The following NCAM2 variants were observed in gnomAD, a reference collection of about 807,000 sequenced individuals.
NCAM2 encodes N-CAM-2.
In NCAM2, 30 loss-of-function variants were observed where a neutral mutation model predicts 98.1. The observed-to-expected ratio is 0.31, with a 90% CI of 0.23 to 0.41. The LOEUF is 0.41. Ranked by LOEUF, NCAM2 falls within the 10% of genes least tolerant of loss-of-function variation. The pLI is 1.00. For missense variants in NCAM2, 867 were observed against 1,005.8 expected, an observed-to-expected ratio of 0.86 and a Z score of 1.87; for synonymous variants, 368 against 342.4, an observed-to-expected ratio of 1.07 and a Z score of -0.83.
At chr21:21,409,882 G>A (rs1268803313) in intron 9 of NCAM2, among the ~76,000 whole-genome samples, 3 of 152,120 alleles carry the variant, frequency 2.0e-5, no homozygotes, top group East Asian at 3.9e-4. Flanking sequence ...AGTCTGAGGC[G>A]GGCGGATCTC....
intron 1 of NCAM2, among the ~76,000 whole-genome samples, chr21:21,107,285 T>C (rs1039008879): frequency 1.3e-5 from 2 of 152,114 alleles, no homozygotes; most frequent in Non-Finnish European, 2.9e-5. Context: ...AAAGATTACA[T>C]GACCTGTCCA....
chr21:21,498,503 T>C (rs950291848), intron 15 of NCAM2, among the ~76,000 whole-genome samples: 15 of 152,210 alleles, frequency 9.9e-5, no homozygotes, highest in Admixed American at 6.5e-4. Flanking sequence ...ACACATGTTG[T>C]ACCCATACAG....
At chr21:21,495,124 C>T (rs1446304993) in intron 15 of NCAM2, among the ~76,000 whole-genome samples, 1 of 150,912 alleles carries the variant, frequency 6.6e-6, no homozygotes, top group Non-Finnish European at 1.5e-5. Context: ...AGCAGGGCGG[C>T]CATGGGGGGC....
chr21:21,000,702 C>T (rs913220323), intron 1 of NCAM2, among the ~76,000 whole-genome samples: 2 of 152,022 alleles, frequency 1.3e-5, no homozygotes, highest in Non-Finnish European at 2.9e-5. Flanking sequence ...CATAGAGACA[C>T]AGATATATAT....
chr21:21,115,922 A>T (rs2066543924), intron 1 of NCAM2, among the ~76,000 whole-genome samples: 1 of 151,836 alleles, frequency 6.6e-6, no homozygotes, highest in South Asian at 2.1e-4. Flanking sequence ...GGGTAGGACT[A>T]GAGTTCAGGG....
intron 1 of NCAM2, among the ~76,000 whole-genome samples, chr21:21,099,679 C>G (rs957525897): frequency 1.3e-5 from 2 of 151,864 alleles, no homozygotes; most frequent in Non-Finnish European, 2.9e-5. Flanking sequence ...GGGGACGCAG[C>G]CAAACCTTAT....
intron 9 of NCAM2, among the ~76,000 whole-genome samples, chr21:21,385,161 A>AAG (rs2076239870): frequency 6.6e-6 from 1 of 152,062 alleles, no homozygotes; most frequent in South Asian, 2.1e-4. Context: ...ATTTTTTGGC[A>AAG]GTTGAAGCCT....
At chr21:21,346,203 G>GA (rs2075182448) in intron 8 of NCAM2, among the ~76,000 whole-genome samples, 3 of 62,358 alleles carry the variant, frequency 4.8e-5, no homozygotes, top group African/African-American at 7.7e-5. Context: ...CATGCCAACT[G>GA]AAACCAAAAA....
At chr21:21,160,191 G>C (rs148379421) in intron 1 of NCAM2, among the ~76,000 whole-genome samples, 8 of 152,064 alleles carry the variant, frequency 5.3e-5, no homozygotes, top group Non-Finnish European at 8.8e-5. Context: ...TATTTTCAGC[G>C]TGTGGACATC....
Position 21,411,031 on chromosome 21 carries a change from T to TATACAC in NCAM2, c.1383+571_1383+572insTACACA, listed in dbSNP as rs1251180029. On this transcript the variant is annotated intron_variant, in intron 10 of 17. Transcript: ENST00000400546. ...AAAAAAAAAAATATATATATATATA[T>TATACAC]ACACACATATATATATGTGTGTGTA... Among the ~76,000 whole-genome samples the TATACAC allele has an allele frequency of 1.4e-3, 107 of 76,320 alleles. 1 individual carries two copies. The highest frequency in any genetic ancestry group is 7.5e-3 in the East Asian group (16 of 2,120). 50.1% of individuals were successfully genotyped at this position (76,320 alleles called of 152,430 possible). A position where few individuals can be genotyped will look rare whatever the true frequency, so the allele number is the denominator to read the frequency against.
chr21:21,344,057 A>T (rs1255413562), intron 8 of NCAM2, among the ~76,000 whole-genome samples: 1 of 152,184 alleles, frequency 6.6e-6, no homozygotes, highest in Non-Finnish European at 1.5e-5. Context: ...AGCCACAGCA[A>T]GATAGGGCAA....
chr21:21,432,215 T>C lies in NCAM2; in HGVS notation c.1588T>C (p.Tyr530His), dbSNP rs201558975. ...CCATGGAGGTGTACCTATTCATCAC[T>C]ATCAGGTGGATGTCAAAGAAGTAGC... ...DSHGGVPIHH[Y>H]QVDVKEVASE... The change falls in exon 12 of 18, where the codon TAT (tyrosine) becomes CAT (histidine). Residue 530 changes from tyrosine to histidine, a missense_variant. By Grantham distance (83) the Tyr-to-His change is moderately conservative. Transcript: ENST00000400546. 5.0e-6 allele frequency: 8 copies of C among 1,614,096 alleles called. No homozygotes were observed. Among genetic ancestry groups the C allele is most frequent in the Non-Finnish European group, 6.8e-6 (8 of 1,179,974 alleles).
At chr21:21,361,767 C>G (rs540700958) in intron 8 of NCAM2, among the ~76,000 whole-genome samples, 2 of 152,274 alleles carry the variant, frequency 1.3e-5, no homozygotes, top group African/African-American at 2.4e-5. Flanking sequence ...CAATACTGTA[C>G]TTCTTTTTCC....
At chr21:21,020,017 C>A (rs776490847) in intron 1 of NCAM2, among the ~76,000 whole-genome samples, 7 of 151,986 alleles carry the variant, frequency 4.6e-5, no homozygotes, top group Non-Finnish European at 8.8e-5. Flanking sequence ...AGTTTCTTTT[C>A]TTTTTTCTTT....
intron 1 of NCAM2, among the ~76,000 whole-genome samples, chr21:21,054,677 A>G (rs992424318): frequency 6.6e-6 from 1 of 152,060 alleles, no homozygotes; most frequent in African/African-American, 2.4e-5. Flanking sequence ...AAAGAAATGA[A>G]TTAAAAGTTT....
intron 1 of NCAM2, among the ~76,000 whole-genome samples, chr21:21,147,743 G>A (rs9983410): frequency 0.97 from 143,827 of 148,274 alleles, 69,895 homozygotes; most frequent in East Asian, 1. Context: ...TAATATAAAA[G>A]CGTACATGTT....
intron 1 of NCAM2, among the ~76,000 whole-genome samples, chr21:21,225,443 GT>G (rs1344820099): frequency 6.6e-6 from 1 of 151,848 alleles, no homozygotes; most frequent in East Asian, 1.9e-4. Context: ...AACATATATT[GT>G]TTCTTTTGAA....
At chr21:21,157,538 A>G (rs1335311122) in intron 1 of NCAM2, among the ~76,000 whole-genome samples, 1 of 152,218 alleles carries the variant, frequency 6.6e-6, no homozygotes, top group African/African-American at 2.4e-5. Flanking sequence ...GTAATCATAT[A>G]TCATCATCTT....
intron 12 of NCAM2, among the ~76,000 whole-genome samples, chr21:21,434,289 G>T (rs1010613105): frequency 6.6e-6 from 1 of 152,180 alleles, no homozygotes; most frequent in Non-Finnish European, 1.5e-5. Context: ...AACTTGTTTG[G>T]TGAGTCTAGA....
Sources: gnomAD v4.1 joint callset for allele counts (sites outside exome capture counted in the v4.1 genomes callset) on GRCh38, gnomAD v4.1.1 for gene constraint, MANE v1.5 for transcripts, NCBI Gene and HGNC (gene_info 2026-07-23, HGNC 2026-07-21) for gene names.